The following ST3GAL3 variants were observed in gnomAD, a reference collection of about 807,000 sequenced individuals.
The protein encoded by ST3GAL3 is ST3 beta-galactoside alpha-2,3-sialyltransferase 3.
In ST3GAL3, 21 loss-of-function variants were observed where a neutral mutation model predicts 50.1. The ratio of observed to expected loss-of-function variants is 0.42; its 90% CI spans 0.30 to 0.60. The LOEUF is 0.60. Ranked by LOEUF, ST3GAL3 falls within the 20% of genes least tolerant of loss-of-function variation. The probability of loss-of-function intolerance (pLI) is 0.19; values close to 1 mark genes in which losing one functional copy is unlikely to be tolerated. For synonymous variants in ST3GAL3, 183 were observed against 190.0 expected, an observed-to-expected ratio of 0.96 and a Z score of 0.30; for missense variants, 353 against 489.4, an observed-to-expected ratio of 0.72 and a Z score of 2.63.
At chr1:43,788,078 C>T (rs2057571868) in intron 2 of ST3GAL3, among the ~76,000 whole-genome samples, 1 of 152,116 alleles carries the variant, frequency 6.6e-6, no homozygotes, top group South Asian at 2.1e-4. Flanking sequence ...TTTTTGTCCC[C>T]TCAAACAATG....
intron 2 of ST3GAL3, among the ~76,000 whole-genome samples, chr1:43,767,111 A>C (rs1693357256): frequency 6.6e-6 from 1 of 152,092 alleles, no homozygotes; most frequent in Admixed American, 6.5e-5. Context: ...AGATTGCGAG[A>C]GAAAGAAAAG....
chr1:43,887,326 G>A (rs939469682), intron 5 of ST3GAL3, among the ~76,000 whole-genome samples: 5 of 152,174 alleles, frequency 3.3e-5, no homozygotes, highest in Admixed American at 6.5e-5. Flanking sequence ...CAAAAGAACA[G>A]TGGAACCAAC....
At chr1:43,713,562 A>T (rs11210903) in intron 1 of ST3GAL3, among the ~76,000 whole-genome samples, 1 of 132,590 alleles carries the variant, frequency 7.5e-6, no homozygotes, top group Non-Finnish European at 1.5e-5. Flanking sequence ...TACTCACTCT[A>T]TCACCCAGGC....
At chr1:43,904,522 C>T (rs988524579) in intron 9 of ST3GAL3, among the ~76,000 whole-genome samples, 5 of 152,026 alleles carry the variant, frequency 3.3e-5, no homozygotes, top group Non-Finnish European at 7.4e-5. Context: ...GGAGATTTCA[C>T]GTCACTGCCT....
At chr1:43,885,669 G>A (rs1280220871) in intron 5 of ST3GAL3, among the ~76,000 whole-genome samples, 1 of 152,200 alleles carries the variant, frequency 6.6e-6, no homozygotes, top group Non-Finnish European at 1.5e-5. Flanking sequence ...CTGAGGTTAG[G>A]CCACCTGCAT....
chr1:43,844,645 A>G (rs2065935180), intron 5 of ST3GAL3, among the ~76,000 whole-genome samples: 1 of 152,110 alleles, frequency 6.6e-6, no homozygotes, highest in Non-Finnish European at 1.5e-5. Context: ...CCCCGTCTCT[A>G]CCAAAAATAA....
chr1:43,760,934 T>C lies in ST3GAL3; in HGVS notation c.118+24554T>C, dbSNP rs190127996. Among the ~76,000 whole-genome samples, 4 of 152,322 alleles carry C rather than the reference T, an allele frequency of 2.6e-5. No homozygotes were observed. The East Asian group carries it at 7.7e-4, about 29-fold the overall frequency. On this transcript the variant is annotated intron_variant, in intron 2 of 11. Coordinates refer to ENST00000347631, the MANE Select transcript of ST3GAL3 (RefSeq NM_006279.5). ...GATAATGCTACAATATGGATGAGCCTTGAAAACATTATGCTGAGAGAAAGA... is the reference window on the plus strand; with the variant it reads ...GATAATGCTACAATATGGATGAGCCCTGAAAACATTATGCTGAGAGAAAGA...
rs1678376405 is a variant in ST3GAL3 at position 43,736,235 on chromosome 1, C to T, written c.-28C>T. On this transcript the variant is annotated splice_region_variant and 5_prime_UTR_variant, in exon 2 of 12. Transcript: ENST00000347631. ...GAACTAAACTTTTTCTTTTCTAGGT[C>T]ATTTAGGAAATCGTAAATCATGTGA... is the stretch of plus-strand genomic sequence containing the variant. 3 of 1,613,938 alleles carry T rather than the reference C, an allele frequency of 1.9e-6. No individual in the cohort carries two copies. In the South Asian group the frequency reaches 3.3e-5, roughly 18 times the overall value.
chr1:43,848,493 C>T (rs975730495), intron 5 of ST3GAL3, among the ~76,000 whole-genome samples: 5 of 151,740 alleles, frequency 3.3e-5, no homozygotes, highest in African/African-American at 9.6e-5. Flanking sequence ...TTAGTAGAGA[C>T]GGGGTTTCAC....
chr1:43,921,910 T>G (rs1476683325), intron 11 of ST3GAL3: 1 of 397,448 alleles, frequency 2.5e-6, no homozygotes, highest in Admixed American at 4.4e-5. Flanking sequence ...CCAATTCCAG[T>G]GGACACAACG....
chr1:43,759,241 C>T (rs1280337471), intron 2 of ST3GAL3, among the ~76,000 whole-genome samples: 4 of 151,154 alleles, frequency 2.6e-5, no homozygotes, highest in East Asian at 2.0e-4. Flanking sequence ...GTCAGGAGAT[C>T]GAGACCATCC....
At chr1:43,837,217 G>A (rs1342858216) in intron 4 of ST3GAL3, among the ~76,000 whole-genome samples, 1 of 152,174 alleles carries the variant, frequency 6.6e-6, no homozygotes, top group East Asian at 1.9e-4. Context: ...GACTATACAA[G>A]CACAGAGGAG....
At chr1:43,713,030 C>G (rs1665563757) in intron 1 of ST3GAL3, among the ~76,000 whole-genome samples, 1 of 152,240 alleles carries the variant, frequency 6.6e-6, no homozygotes, top group Non-Finnish European at 1.5e-5. Context: ...TAGTGAATAG[C>G]TATTTCCCTC....
At chr1:43,925,234 T>C (rs1571621061) in intron 11 of ST3GAL3, among the ~76,000 whole-genome samples, 1 of 142,464 alleles carries the variant, frequency 7.0e-6, no homozygotes, top group Non-Finnish European at 1.5e-5. Context: ...CAAGTGGAGA[T>C]TGCAGTGAGC....
At chr1:43,766,788 T>G (rs1410516141) in intron 2 of ST3GAL3, among the ~76,000 whole-genome samples, 3 of 152,058 alleles carry the variant, frequency 2.0e-5, no homozygotes, top group Non-Finnish European at 4.4e-5. Flanking sequence ...AACACAGAGG[T>G]CTCTTCTGGA....
At chr1:43,849,505 G>C (rs780952493) in intron 5 of ST3GAL3, among the ~76,000 whole-genome samples, 69 of 152,272 alleles carry the variant, frequency 4.5e-4, no homozygotes, top group Non-Finnish European at 8.4e-4. Context: ...TAGACATTCA[G>C]TGGTTAAAAA....
chr1:43,858,489 C>T (rs555115541), intron 5 of ST3GAL3, among the ~76,000 whole-genome samples: 1 of 152,212 alleles, frequency 6.6e-6, no homozygotes, highest in Non-Finnish European at 1.5e-5. Flanking sequence ...GTCAGATTAG[C>T]AGCTTTGCTT....
chr1:43,834,920 C>T (rs1323150446), intron 4 of ST3GAL3, among the ~76,000 whole-genome samples: 1 of 152,138 alleles, frequency 6.6e-6, no homozygotes, highest in East Asian at 1.9e-4. Context: ...ATGCTTTTTC[C>T]ATTTATGACC....
chr1:43,807,453 G>A (rs951702579), intron 3 of ST3GAL3, among the ~76,000 whole-genome samples: 1 of 45,770 alleles, frequency 2.2e-5, no homozygotes, highest in Non-Finnish European at 5.3e-5. Context: ...AATAAATAAA[G>A]TAGGAATGAT....
Sources: allele counts gnomAD v4.1 joint callset (sites outside exome capture counted in the v4.1 genomes callset), GRCh38; gene constraint gnomAD v4.1.1; transcripts MANE v1.5; gene names NCBI Gene and HGNC (gene_info 2026-07-23, HGNC 2026-07-21).